Variants in PWWP2A observed in about 807,000 individuals in gnomAD.
PWWP2A encodes the protein PWWP domain-containing protein 2A.
Under a neutral mutation model 48.5 loss-of-function variants are expected in PWWP2A, and 18 were observed. The observed-to-expected ratio is 0.37, with a 90% confidence interval of 0.26 to 0.55. PWWP2A has a LOEUF of 0.55. Among genes scored for constraint, PWWP2A ranks in the 20% least tolerant of loss-of-function variants. PWWP2A has a pLI of 0.81. For missense variants in PWWP2A, 867 were observed against 976.4 expected (o/e 0.89, Z 1.49); for synonymous variants, 396 against 387.7 (o/e 1.02, Z -0.25).
intron 5 of PWWP2A, among the ~76,000 whole-genome samples, chr5:160,062,394 T>C (rs1753443158): frequency 6.6e-6 from 1 of 152,052 alleles, no homozygotes; most frequent in African/African-American, 2.4e-5. Flanking sequence ...CCTATTCCCA[T>C]CCCCCGGAGC....
rs1305620277 is a variant in PWWP2A at position 160,092,071 on chromosome 5, C to T, written c.*311G>A. The stretch of plus-strand genomic sequence containing the variant: ...ATATGTATATATACAGTATTAGGTA[C>T]AAATGGCAATTAACAGTCCCTACAA... On this transcript the variant is annotated 3_prime_UTR_variant, in exon 2 of 2. Coordinates refer to ENST00000307063, the MANE Select transcript of PWWP2A (RefSeq NM_001130864.2). 2 of 1,012,058 alleles carry T rather than the reference C, an allele frequency of 2.0e-6. No homozygotes were observed. Among genetic ancestry groups the T allele is most frequent in the African/African-American group, 2.0e-5 (1 of 49,144 alleles). 62.7% of individuals were successfully genotyped at this position (1,012,058 alleles called of 1,614,324 possible).
At chr5:160,115,420 G>A (rs1049329104) in intron 1 of PWWP2A, among the ~76,000 whole-genome samples, 2 of 151,830 alleles carry the variant, frequency 1.3e-5, no homozygotes, top group African/African-American at 4.8e-5. Context: ...GGCTGGGCAC[G>A]GTGGCTCATG....
At chr5:160,089,728 C>CT (rs1179345935), downstream of PWWP2A, 1 of 1,237,336 alleles carries the variant, frequency 8.1e-7, no homozygotes. Flanking sequence ...CTGGCCAATC[C>CT]TTTGTTTTAG....
intron 1 of PWWP2A, among the ~76,000 whole-genome samples, chr5:160,108,159 C>T (rs148731232): frequency 1.3e-4 from 20 of 150,816 alleles, no homozygotes; most frequent in African/African-American, 4.9e-4. Flanking sequence ...AGAGTAGCTT[C>T]TCCATAGACA....
chr5:160,117,130 A>C (rs1039885795), intron 1 of PWWP2A, among the ~76,000 whole-genome samples: 2 of 151,810 alleles, frequency 1.3e-5, no homozygotes, highest in African/African-American at 4.9e-5. Context: ...CATCAATAGA[A>C]AGCACACTCA....
Position 160,065,478 on chromosome 5 carries a change from C to T in PWWP2A, c.*236+1070G>A, listed in dbSNP as rs1804606. ...GCCTGCTGTCCCCTCCCTGATCACA[C>T]AGCTAACGAGGCTGCCTCCAGCATT... On this transcript the variant is annotated intron_variant and NMD_transcript_variant, in intron 4 of 5. Transcript: ENST00000524050. The T allele has an allele frequency of 1.8e-5, 8 of 451,394 alleles. No individual in the cohort carries two copies. In the East Asian group the frequency reaches 5.5e-4, roughly 31 times the overall value. 28.0% of individuals were successfully genotyped at this position (451,394 alleles called of 1,614,324 possible).
intron 1 of PWWP2A, among the ~76,000 whole-genome samples, chr5:160,108,329 C>T (rs1047782110): frequency 2.0e-5 from 3 of 152,178 alleles, no homozygotes; most frequent in Non-Finnish European, 2.9e-5. Context: ...CAGTAGTGGG[C>T]GTCCTAAAGC....
At chr5:160,104,804 CA>C (rs1255217672) in intron 1 of PWWP2A, among the ~76,000 whole-genome samples, 5 of 151,464 alleles carry the variant, frequency 3.3e-5, no homozygotes, top group African/African-American at 7.3e-5. Flanking sequence ...GACTCCCTCT[CA>C]AAAAAAACAA....
intron 4 of PWWP2A, among the ~76,000 whole-genome samples, chr5:160,064,580 C>T (rs555345500): frequency 2.5e-4 from 38 of 152,304 alleles, no homozygotes; most frequent in African/African-American, 9.1e-4. Flanking sequence ...CCTTGAGCCT[C>T]ACTGGAACAG....
chr5:160,112,126 CAAAAAAA>C (rs11480893), intron 1 of PWWP2A, among the ~76,000 whole-genome samples: 2 of 90,880 alleles, frequency 2.2e-5, no homozygotes, highest in African/African-American at 9.0e-5. Flanking sequence ...GACCCTTTCT[CAAAAAAA>C]AAAAAAAAAA....
chr5:160,118,744 C>A (rs1009878389), intron 1 of PWWP2A, 61 bp downstream of exon 1: 3 of 1,345,814 alleles, frequency 2.2e-6, no homozygotes, highest in African/African-American at 1.5e-5. Flanking sequence ...GGGGGCCGCC[C>A]GGGCTCACTC....
downstream of PWWP2A, chr5:160,090,107 T>C (rs1264764799): frequency 1.0e-6 from 1 of 984,864 alleles, no homozygotes; most frequent in Non-Finnish European, 1.2e-6. Flanking sequence ...TGTGATATGC[T>C]CAACCTTTTC....
At chr5:160,057,579 G>A (rs1420360247), downstream of PWWP2A, among the ~76,000 whole-genome samples, 2 of 152,166 alleles carry the variant, frequency 1.3e-5, no homozygotes, top group East Asian at 3.8e-4. This position sits in a 1 kb window ranked among gnomAD's most constrained non-coding sequence, Gnocchi z 4.4. Context: ...GTCTGTGGCA[G>A]TATCTTTAAA....
chr5:160,106,439 A>G (rs1159282308), intron 1 of PWWP2A, among the ~76,000 whole-genome samples: 1 of 152,232 alleles, frequency 6.6e-6, no homozygotes, highest in African/African-American at 2.4e-5. Flanking sequence ...TTGAAAATAC[A>G]TAGTAGCTAC....
At position 160,078,060 on chromosome 5, in the gene PWWP2A, C is replaced by T; in HGVS notation, c.*95G>A. 1 of 1,074,320 alleles carries T rather than the reference C, an allele frequency of 9.3e-7. No homozygotes were observed. Among genetic ancestry groups the T allele is most frequent in the South Asian group, 1.4e-5 (1 of 73,076 alleles). The allele number at this position is 1,074,320 out of a possible 1,614,324, so 66.5% of individuals were successfully genotyped here. ...TTAACCACTGCCTTAACATTTACTT[C>T]TTAGTGCAGCTTTAAAAACTCCAAT... is the stretch of plus-strand genomic sequence containing the variant. On this transcript the variant is annotated 3_prime_UTR_variant, in exon 4 of 4. Coordinates refer to the PWWP2A transcript ENST00000456329. The surrounding 1 kb of genome is among the most constrained non-coding windows in gnomAD (Gnocchi z 4.2).
intron 1 of PWWP2A, chr5:160,113,384 A>C (rs766526822): frequency 5.2e-6 from 5 of 962,350 alleles, no homozygotes; most frequent in Non-Finnish European, 6.2e-6. Flanking sequence ...TTACAAAAGC[A>C]GACTCTTAGT....
chr5:160,092,313 A>G lies in PWWP2A; in HGVS notation c.*69T>C. On this transcript the variant is annotated 3_prime_UTR_variant, in exon 2 of 2. Coordinates refer to ENST00000307063, the MANE Select transcript of PWWP2A (RefSeq NM_001130864.2). ...CAATCTGGCCACGCTATTTTGTAGA[A>G]ATTATTCCTAACTAGACTAGAAAAT... 1.4e-6 allele frequency: 2 copies of G among 1,458,660 alleles called. No homozygotes were observed. The highest frequency in any genetic ancestry group is 1.5e-5 in the South Asian group (1 of 67,328). 90.4% of individuals were successfully genotyped at this position (1,458,660 alleles called of 1,614,324 possible).
chr5:160,076,751 A>G (rs966184505), exon 4 of PWWP2A: 1 of 152,208 alleles, frequency 6.6e-6, no homozygotes, highest in African/African-American at 2.4e-5. Flanking sequence ...GGTAATTCCA[A>G]ACTTACACAG....
At chr5:160,111,638 C>T (rs1322848131) in intron 1 of PWWP2A, among the ~76,000 whole-genome samples, 5 of 151,996 alleles carry the variant, frequency 3.3e-5, no homozygotes, top group Non-Finnish European at 7.4e-5. Flanking sequence ...TATCTCTAAA[C>T]AAATAAAATA....
Sources: allele counts gnomAD v4.1 joint callset (sites outside exome capture counted in the v4.1 genomes callset), GRCh38; gene constraint gnomAD v4.1.1; non-coding constraint Gnocchi (gnomAD v3.1); transcripts MANE v1.5; gene names NCBI Gene and HGNC (gene_info 2026-07-23, HGNC 2026-07-21).